The following VBP1 variants were observed in gnomAD, a reference collection of about 807,000 sequenced individuals.
VBP1 encodes the protein prefoldin subunit 3.
Under a neutral mutation model 15.5 loss-of-function variants are expected in VBP1, and 4 were observed. The ratio of observed to expected loss-of-function variants is 0.26; its 90% CI spans 0.13 to 0.59. The LOEUF is 0.59. Among genes scored for constraint, VBP1 ranks in the 20% least tolerant of loss-of-function variants. The pLI is 0.90. For missense variants in VBP1, 108 were observed against 139.6 expected (o/e 0.77, Z 1.14); for synonymous variants, 61 against 52.1 (o/e 1.17, Z -0.74).
chrX:155,203,725 A>G (rs946453410), intron 1 of VBP1, among the ~76,000 whole-genome samples: 1 of 110,293 alleles, frequency 9.1e-6, no homozygotes, highest in Non-Finnish European at 1.9e-5. Flanking sequence ...TAACCTGCAC[A>G]TTGTGCACAT....
intron 2 of VBP1, among the ~76,000 whole-genome samples, chrX:155,226,286 A>G (rs897144761): frequency 3.6e-5 from 4 of 111,853 alleles, no homozygotes; most frequent in African/African-American, 1.3e-4. Context: ...TGTTTTTAGC[A>G]TACTGTTTTT....
chrX:155,220,292 C>G lies in VBP1; in HGVS notation c.203C>G (p.Ala68Gly). The change falls in exon 2 of 6, where the codon GCT becomes GGT. Residue 68 changes from alanine (A) to glycine (G), a missense_variant. Transcript: ENST00000286428. ...QKYKFMELNL[A>G]QKKRRLKGQI... is the part of the protein sequence containing the mutation. ...TATAAGTTTATGGAACTCAACCTTG[C>G]TCAAAAGAAAAGAAGGTAAGTGTAA... 1 of 1,163,142 alleles carries G rather than the reference C, an allele frequency of 8.6e-7. No individual in the cohort carries two copies. Among genetic ancestry groups the G allele is most frequent in the Non-Finnish European group, 1.1e-6 (1 of 874,764 alleles).
intron 1 of VBP1, among the ~76,000 whole-genome samples, chrX:155,208,666 C>T (rs782434736): frequency 1.8e-5 from 2 of 111,658 alleles, no homozygotes; most frequent in South Asian, 3.8e-4. Context: ...TTTGGTCTGT[C>T]ACACTTTATC....
intron 1 of VBP1, among the ~76,000 whole-genome samples, chrX:155,207,310 T>C (rs782223952): frequency 1.8e-5 from 2 of 111,753 alleles, no homozygotes; most frequent in African/African-American, 3.3e-5. Flanking sequence ...CAGGCATGAA[T>C]AACTATGGAC....
At chrX:155,203,932 G>C (rs1336277924) in intron 1 of VBP1, among the ~76,000 whole-genome samples, 1 of 111,304 alleles carries the variant, frequency 9.0e-6, no homozygotes, top group African/African-American at 3.3e-5. Flanking sequence ...TCACAAGATT[G>C]GAAACACCCT....
In VBP1 at chrX:155,205,348, C is replaced by T. The variant is rs1043564557; in HGVS notation, c.-30-3526C>T. ...CATCTCAAATTGCACGTGTCCAAAA[C>T]TGTACCCTTGATCTCCCCAAAGCTG... On this transcript the variant is annotated intron_variant, in intron 1 of 6. Coordinates refer to the VBP1 transcript ENST00000535916. 4.5e-5 allele frequency among the ~76,000 whole-genome samples: 5 copies of T among 111,414 alleles called. No individual in the cohort carries two copies. In the Admixed American group the frequency reaches 4.8e-4, roughly 11 times the overall value.
intron 5 of VBP1, among the ~76,000 whole-genome samples, chrX:155,237,139 G>C (rs1372729603): frequency 3.6e-5 from 4 of 111,821 alleles, no homozygotes. Context: ...GATCAGCAGA[G>C]AGAAGAGGTG....
At chrX:155,223,726 G>C (rs188003097) in intron 2 of VBP1, among the ~76,000 whole-genome samples, 1 of 112,641 alleles carries the variant, frequency 8.9e-6, no homozygotes, top group Non-Finnish European at 1.9e-5. Context: ...CCTCCCAGAC[G>C]GGGTGGCGGC....
chrX:155,215,189 T>A (rs1393692308), upstream of VBP1, among the ~76,000 whole-genome samples: 1 of 111,981 alleles, frequency 8.9e-6, no homozygotes, highest in Non-Finnish European at 1.9e-5. Context: ...ATCTGATATC[T>A]CAATGTTTTT....
chrX:155,222,472 C>T (rs980294907), intron 2 of VBP1, among the ~76,000 whole-genome samples: 4 of 110,977 alleles, frequency 3.6e-5, no homozygotes, highest in Non-Finnish European at 5.7e-5. Flanking sequence ...GATGATACCC[C>T]GTCTCAAGAA....
chrX:155,203,103 G>A (rs1309725690), intron 1 of VBP1, among the ~76,000 whole-genome samples: 3 of 111,681 alleles, frequency 2.7e-5, no homozygotes, highest in Non-Finnish European at 3.8e-5. Context: ...TAAAAAGTCA[G>A]GAAACAACTG....
Position 155,216,545 on chromosome X carries a change from C to G in VBP1, c.63C>G (p.Leu21=), listed in dbSNP as rs781783394. 4 of 1,170,171 alleles carry G rather than the reference C, an allele frequency of 3.4e-6. No individual in the cohort carries two copies. The highest frequency in any genetic ancestry group is 4.6e-6 in the Non-Finnish European group (4 of 874,034). The change falls in exon 1 of 6, where the codon CTC becomes CTG. Residue 21 remains leucine (L), a synonymous_variant. Transcript: ENST00000286428. ...GEMATGNGRR[L]HLGIPEAVFV... Reference sequence around the variant, plus strand: ...TGGCCACAGGGAATGGGCGGCGGCTCCACCTGGGGATTCCTGAGGCCGTGT... The same window carrying G: ...TGGCCACAGGGAATGGGCGGCGGCTGCACCTGGGGATTCCTGAGGCCGTGT...
chrX:155,210,062 T>G (rs782605663), intron 2 of VBP1, among the ~76,000 whole-genome samples: 21 of 111,464 alleles, frequency 1.9e-4, no homozygotes, highest in African/African-American at 4.9e-4. Context: ...TTGGAGGTTA[T>G]GTACTCTATT....
chrX:155,204,350 G>A (rs1362919072), intron 1 of VBP1, among the ~76,000 whole-genome samples: 1 of 110,335 alleles, frequency 9.1e-6, no homozygotes, highest in African/African-American at 3.3e-5. Flanking sequence ...ATGGGGTTTC[G>A]CCATGTTGGC....
chrX:155,201,433 C>G (rs2074603423), intron 1 of VBP1, among the ~76,000 whole-genome samples: 1 of 97,646 alleles, frequency 1.0e-5, no homozygotes, highest in Admixed American at 1.1e-4. Flanking sequence ...GGCTTCATCC[C>G]TGGGATGCAA....
At chrX:155,207,858 A>T (rs782732159) in intron 1 of VBP1, among the ~76,000 whole-genome samples, 11 of 112,096 alleles carry the variant, frequency 9.8e-5, no homozygotes, top group Non-Finnish European at 1.5e-4. Context: ...TCACATGCTC[A>T]GTGAACATGT....
chrX:155,209,458 G>C, intron 2 of VBP1, among the ~76,000 whole-genome samples: 1 of 112,393 alleles, frequency 8.9e-6, no homozygotes, highest in South Asian at 3.7e-4. Flanking sequence ...TCAAAGAACG[G>C]AATAATTAAT....
chrX:155,211,992 G>A (rs2074646638), upstream of VBP1, among the ~76,000 whole-genome samples: 1 of 112,133 alleles, frequency 8.9e-6, no homozygotes, highest in Non-Finnish European at 1.9e-5. Flanking sequence ...ATGTTATTAT[G>A]TGTAATTCCA....
intron 3 of VBP1, 125 bp from the exon 4 acceptor site, chrX:155,228,259 T>A (rs2074727990): frequency 1.9e-6 from 1 of 531,648 alleles, no homozygotes; most frequent in African/African-American, 2.4e-5. Flanking sequence ...CTTTTACCAC[T>A]ACACTTAGCC....
Sources: allele counts gnomAD v4.1 joint callset (sites outside exome capture counted in the v4.1 genomes callset), GRCh38; gene constraint gnomAD v4.1.1; transcripts MANE v1.5; gene names NCBI Gene and HGNC (gene_info 2026-07-23, HGNC 2026-07-21).